The following DISC1 variants were observed in gnomAD, a reference collection of about 807,000 sequenced individuals.
DISC1 encodes DISC1 scaffold protein, also known as disrupted in schizophrenia 1 protein.
A neutral mutation model predicts 84.5 loss-of-function variants in DISC1; 57 were observed. The ratio of observed to expected loss-of-function variants is 0.67; its 90% CI spans 0.55 to 0.84. The LOEUF (loss-of-function observed/expected upper bound fraction) is 0.84. Ranked by LOEUF, DISC1 falls within the 40% of genes least tolerant of loss-of-function variation. DISC1 has a pLI of 0.00. For synonymous variants in DISC1, 411 were observed against 415.2 expected, an observed-to-expected ratio of 0.99 and a Z score of 0.12; for missense variants, 1,000 against 1,057.8, an observed-to-expected ratio of 0.95 and a Z score of 0.76.
chr1:231,765,802 G>C (rs1440679727), intron 4 of DISC1, among the ~76,000 whole-genome samples: 1 of 152,128 alleles, frequency 6.6e-6, no homozygotes, highest in Admixed American at 6.5e-5. Context: ...ATTTTAAGTG[G>C]TTTTGACAGT....
At chr1:231,662,204 G>T (rs1045099094) in intron 1 of DISC1, among the ~76,000 whole-genome samples, 1 of 152,214 alleles carries the variant, frequency 6.6e-6, no homozygotes, top group African/African-American at 2.4e-5. Context: ...CCTGTTTGGA[G>T]GTCTCACCCA....
chr1:231,773,374 ATTTG>A (rs565622981), intron 6 of DISC1, among the ~76,000 whole-genome samples: 2 of 151,620 alleles, frequency 1.3e-5, no homozygotes, highest in Non-Finnish European at 2.9e-5. Flanking sequence ...ATAGGTTTTT[ATTTG>A]TTTGTTTGTT....
At chr1:231,918,491 A>G (rs1331781284) in intron 9 of DISC1, among the ~76,000 whole-genome samples, 2 of 152,246 alleles carry the variant, frequency 1.3e-5, no homozygotes, top group East Asian at 3.8e-4. Context: ...TTGCATTCCA[A>G]TTAAATGAGA....
At chr1:231,628,413 C>T (rs1468067073) in intron 1 of DISC1, among the ~76,000 whole-genome samples, 1 of 152,168 alleles carries the variant, frequency 6.6e-6, no homozygotes, top group Non-Finnish European at 1.5e-5. Context: ...AGTCACTATG[C>T]ACATATAAGA....
At chr1:231,818,018 G>T (rs2081195138) in intron 8 of DISC1, among the ~76,000 whole-genome samples, 1 of 152,178 alleles carries the variant, frequency 6.6e-6, no homozygotes, top group South Asian at 2.1e-4. Context: ...GTGACACATT[G>T]TGGTTTCTCT....
chr1:231,750,507 C>T (rs1319616670), intron 4 of DISC1: 2 of 995,322 alleles, frequency 2.0e-6, no homozygotes, highest in Non-Finnish European at 2.4e-6. Flanking sequence ...TCCTGAGCAA[C>T]ATTTGCTATT....
Position 231,732,860 on chromosome 1 carries a change from C to T in DISC1, c.1118-17066C>T, listed in dbSNP as rs200205501. Among the ~76,000 whole-genome samples the T allele has an allele frequency of 2.1e-4, 32 of 149,080 alleles. 1 individual carries two copies. The East Asian group carries it at 4.8e-3, about 22-fold the overall frequency. ...TAGCGGAGGTGATAGTAGCAGTGGT[C>T]GTGGTGCTGATGATAGTACGTGTGA... On this transcript the variant is annotated intron_variant, in intron 3 of 12. Coordinates refer to ENST00000439617, the MANE Select transcript of DISC1 (RefSeq NM_018662.3).
intron 9 of DISC1, among the ~76,000 whole-genome samples, chr1:231,821,507 T>C (rs1023996911): frequency 6.6e-6 from 1 of 152,218 alleles, no homozygotes; most frequent in Non-Finnish European, 1.5e-5. Flanking sequence ...CTGTCAGCTG[T>C]TCTTGAGACT....
intron 3 of DISC1, among the ~76,000 whole-genome samples, chr1:231,703,615 G>T (rs984353920): frequency 6.6e-6 from 1 of 152,170 alleles, no homozygotes; most frequent in African/African-American, 2.4e-5. Flanking sequence ...TTAGGACCTG[G>T]TGAACTTTCT....
intron 7 of DISC1, among the ~76,000 whole-genome samples, chr1:231,799,544 T>G (rs1012036011): frequency 1.7e-4 from 26 of 151,848 alleles, no homozygotes; most frequent in African/African-American, 6.3e-4. Context: ...GAGGTTGCTA[T>G]TTTGGGTGGG....
intron 6 of DISC1, among the ~76,000 whole-genome samples, chr1:231,781,947 A>G (rs1025782063): frequency 6.6e-6 from 1 of 152,198 alleles, no homozygotes; most frequent in African/African-American, 2.4e-5. Flanking sequence ...CTGAGAATTT[A>G]ATCAGTTAAG....
intron 9 of DISC1, among the ~76,000 whole-genome samples, chr1:231,956,384 G>A (rs1322194155): frequency 6.6e-6 from 1 of 152,166 alleles, no homozygotes; most frequent in Non-Finnish European, 1.5e-5. Context: ...TGTCAGCCAT[G>A]ACCCTGGTGA....
At chr1:231,711,395 C>T (rs1308972198) in intron 3 of DISC1, among the ~76,000 whole-genome samples, 3 of 124,054 alleles carry the variant, frequency 2.4e-5, no homozygotes, top group African/African-American at 9.3e-5. Flanking sequence ...GAGTCTTGCT[C>T]TGTTGCCCAG....
chr1:231,795,099 G>A, intron 6 of DISC1, 143 bp from the exon 7 acceptor site: 1 of 763,390 alleles, frequency 1.3e-6, no homozygotes, highest in East Asian at 2.6e-5. Context: ...TAGTCAAATG[G>A]AGCCAATTTG....
chr1:231,992,338 C>T (rs1665318357), intron 10 of DISC1, among the ~76,000 whole-genome samples: 1 of 151,968 alleles, frequency 6.6e-6, no homozygotes. Context: ...GCCTTTTTTG[C>T]TTATTTTCTT....
intron 10 of DISC1, among the ~76,000 whole-genome samples, chr1:231,994,923 C>A (rs1282519949): frequency 6.6e-6 from 1 of 152,118 alleles, no homozygotes; most frequent in Admixed American, 6.5e-5. Context: ...AAACTAAATT[C>A]TATTAGGAAG....
At chr1:231,775,327 C>G (rs202013985) in intron 6 of DISC1, among the ~76,000 whole-genome samples, 1 of 152,222 alleles carries the variant, frequency 6.6e-6, no homozygotes, top group Non-Finnish European at 1.5e-5. Context: ...TGGAGACTTA[C>G]GTGCTTACAT....
At chr1:231,687,718 T>C (rs575084850) in intron 1 of DISC1, among the ~76,000 whole-genome samples, 144 of 152,314 alleles carry the variant, frequency 9.5e-4, no homozygotes, top group African/African-American at 3.2e-3. Context: ...GCCCAGGTTG[T>C]TGAATTAATA....
At chr1:231,818,670 C>T in intron 9 of DISC1, 153 bp downstream of exon 9, 1 of 1,445,754 alleles carries the variant, frequency 6.9e-7, no homozygotes, top group Non-Finnish European at 9.1e-7. Flanking sequence ...TTGGCAGGTG[C>T]CTTGGCAAAC....
Sources: gnomAD v4.1 joint callset for allele counts (sites outside exome capture counted in the v4.1 genomes callset) on GRCh38, gnomAD v4.1.1 for gene constraint, MANE v1.5 for transcripts, NCBI Gene and HGNC (gene_info 2026-07-23, HGNC 2026-07-21) for gene names.